Variants in ANXA8 observed in about 807,000 individuals in gnomAD.
ANXA8 encodes the protein VAC-beta.
A neutral mutation model predicts 26.8 loss-of-function variants in ANXA8; 9 were observed. That is an observed-to-expected ratio of 0.34 (90% CI 0.20 to 0.59). The LOEUF is 0.59. ANXA8 is among the 20% of genes least tolerant of loss of function. ANXA8 has a pLI of 0.84. For missense variants in ANXA8, 83 were observed against 238.5 expected (o/e 0.35, Z 4.29); for synonymous variants, 39 against 94.8 (o/e 0.41, Z 3.42).
At chr10:47,980,134 C>T in the ANXA8 span, among the ~76,000 whole-genome samples, 1 of 150,754 alleles carries the variant, frequency 6.6e-6, no homozygotes, top group African/African-American at 2.4e-5. Context: ...TTTCGGACAT[C>T]CACAAATATG....
the ANXA8 span, among the ~76,000 whole-genome samples, chr10:47,513,232 A>G: frequency 0.069 from 8,603 of 124,020 alleles, 211 homozygotes; most frequent in East Asian, 0.27. Context: ...ATGGGGTTTC[A>G]CCATGTTGGC....
At chr10:47,744,432 G>GGGGGGGTTGGGGGGGA in the ANXA8 span, among the ~76,000 whole-genome samples, 1 of 58,514 alleles carries the variant, frequency 1.7e-5, no homozygotes, top group South Asian at 1.0e-3. Flanking sequence ...TTGGGGGGGA[G>GGGGGGGTTGGGGGGGA]GGGGGAAGAG....
the ANXA8 span, among the ~76,000 whole-genome samples, chr10:47,627,591 C>T: frequency 3.3e-5 from 5 of 150,012 alleles, no homozygotes; most frequent in African/African-American, 2.5e-5. Flanking sequence ...TAAACTCATA[C>T]TCTTGTAACA....
At chr10:47,562,206 T>G in the ANXA8 span, among the ~76,000 whole-genome samples, 1 of 151,638 alleles carries the variant, frequency 6.6e-6, no homozygotes, top group African/African-American at 2.4e-5. Flanking sequence ...TTGTTAATAT[T>G]AAGGTTGATG....
At chr10:47,955,230 T>G in the ANXA8 span, among the ~76,000 whole-genome samples, 1 of 150,118 alleles carries the variant, frequency 6.7e-6, no homozygotes, top group African/African-American at 2.5e-5. Flanking sequence ...CCGCCGTGAT[T>G]GTGAGGCCTC....
At chr10:47,975,780 A>C in the ANXA8 span, among the ~76,000 whole-genome samples, 45,945 of 142,976 alleles carry the variant, frequency 0.32, 5,938 homozygotes, top group South Asian at 0.47. Flanking sequence ...TCCTGGGTAC[A>C]GAGAAGGCTC....
At chr10:47,894,609 ACACACACTACACACAC>A in the ANXA8 span, among the ~76,000 whole-genome samples, 179 of 140,936 alleles carry the variant, frequency 1.3e-3, no homozygotes, top group African/African-American at 3.2e-3. Context: ...TGCACCACAC[ACACACACTACACACAC>A]CACACACTAC....
At chr10:47,488,431 G>C (rs1420043272), upstream of ANXA8, among the ~76,000 whole-genome samples, 8 of 145,220 alleles carry the variant, frequency 5.5e-5, no homozygotes, top group Admixed American at 6.9e-5. Context: ...GGCTGGTCTC[G>C]AACTCCTGAC....
At chr10:47,771,406 CAT>C in the ANXA8 span, among the ~76,000 whole-genome samples, 19 of 145,548 alleles carry the variant, frequency 1.3e-4, no homozygotes, top group African/African-American at 3.6e-4. Context: ...TGCACACACA[CAT>C]GTGTGTTTAC....
the ANXA8 span, among the ~76,000 whole-genome samples, chr10:47,559,191 G>A: frequency 8.5e-6 from 1 of 117,800 alleles, no homozygotes; most frequent in South Asian, 2.7e-4. Flanking sequence ...TCAAACCGTC[G>A]CCCAGGCTGG....
At chr10:47,580,329 CT>C in the ANXA8 span, among the ~76,000 whole-genome samples, 8 of 152,288 alleles carry the variant, frequency 5.3e-5, no homozygotes, top group Non-Finnish European at 1.0e-4. Context: ...ATAGAAAGCT[CT>C]CCATCTAACA....
At chr10:47,651,301 A>C in the ANXA8 span, among the ~76,000 whole-genome samples, 9 of 151,100 alleles carry the variant, frequency 6.0e-5, no homozygotes, top group African/African-American at 2.2e-4. Flanking sequence ...AAAAAAACCC[A>C]AAAAACAAAA....
the ANXA8 span, among the ~76,000 whole-genome samples, chr10:47,530,435 C>A: frequency 6.7e-6 from 1 of 149,044 alleles, no homozygotes; most frequent in Non-Finnish European, 1.5e-5. Context: ...CGCCTGTAAT[C>A]CCAGCACTTT....
the ANXA8 span, among the ~76,000 whole-genome samples, chr10:47,639,296 CTAA>C: frequency 8.9e-6 from 1 of 112,016 alleles, no homozygotes; most frequent in African/African-American, 3.3e-5. Context: ...CCACGCCCGG[CTAA>C]TTATTATTAT....
At chr10:47,591,304 C>T in the ANXA8 span, among the ~76,000 whole-genome samples, 3 of 143,974 alleles carry the variant, frequency 2.1e-5, no homozygotes, top group Non-Finnish European at 4.4e-5. Context: ...ATTCAGAGGT[C>T]CCAACCCGAG....
At chr10:47,495,974 G>A in the ANXA8 span, among the ~76,000 whole-genome samples, 10 of 151,612 alleles carry the variant, frequency 6.6e-5, no homozygotes, top group African/African-American at 1.5e-4. Context: ...GGATCTGAGA[G>A]CACGCCTTCC....
the ANXA8 span, among the ~76,000 whole-genome samples, chr10:47,626,637 C>T: frequency 2.0e-5 from 3 of 150,108 alleles, no homozygotes; most frequent in Non-Finnish European, 2.9e-5. Flanking sequence ...ATAATTAAAA[C>T]ACACCATTTA....
chr10:47,739,861 G>T, the ANXA8 span, among the ~76,000 whole-genome samples: 1 of 147,762 alleles, frequency 6.8e-6, no homozygotes, highest in Admixed American at 7.0e-5. Flanking sequence ...GGGAGCCTGA[G>T]ATGGGAGGAT....
At chr10:47,549,822 G>C in the ANXA8 span, among the ~76,000 whole-genome samples, 1 of 143,220 alleles carries the variant, frequency 7.0e-6, no homozygotes, top group Non-Finnish European at 1.5e-5. Flanking sequence ...AGAAAATATT[G>C]GCTGGGCACA....
Sources: allele counts gnomAD v4.1 joint callset (sites outside exome capture counted in the v4.1 genomes callset), GRCh38; gene constraint gnomAD v4.1.1; transcripts MANE v1.5; gene names NCBI Gene and HGNC (gene_info 2026-07-23, HGNC 2026-07-21).